The following FRMD6 variants were observed in gnomAD, a reference collection of about 807,000 sequenced individuals.
FRMD6 encodes FERM domain-containing protein 6.
A neutral mutation model predicts 73.2 loss-of-function variants in FRMD6; 37 were observed. That is an observed-to-expected ratio of 0.51 (90% CI 0.39 to 0.66). The LOEUF (loss-of-function observed/expected upper bound fraction) is 0.66, where lower values mean the gene tolerates loss of function less well. Ranked by LOEUF, FRMD6 falls within the 30% of genes least tolerant of loss-of-function variation. The probability of loss-of-function intolerance (pLI) is 0.00; values close to 1 mark genes in which losing one functional copy is unlikely to be tolerated. For synonymous variants in FRMD6, 273 were observed against 282.2 expected (o/e 0.97, Z 0.33); for missense variants, 714 against 780.5 (o/e 0.91, Z 1.02).
the FRMD6 span, among the ~76,000 whole-genome samples, chr14:51,437,376 C>CA: frequency 0.071 from 10,746 of 152,252 alleles, 410 homozygotes; most frequent in East Asian, 0.11. Flanking sequence ...GATCTCGGCT[C>CA]ACTGCAACCT....
intron 1 of FRMD6, among the ~76,000 whole-genome samples, chr14:51,556,237 C>G (rs1477750452): frequency 6.6e-6 from 1 of 152,226 alleles, no homozygotes; most frequent in Non-Finnish European, 1.5e-5. Context: ...TACCCACAGA[C>G]ATCAATGGTA....
the FRMD6 span, among the ~76,000 whole-genome samples, chr14:51,444,197 G>A: frequency 8.5e-5 from 13 of 152,332 alleles, no homozygotes; most frequent in African/African-American, 2.9e-4. Context: ...CCAAAGTGCC[G>A]GGATTACAGG....
chr14:51,458,235 C>CT, the FRMD6 span, among the ~76,000 whole-genome samples: 1 of 152,104 alleles, frequency 6.6e-6, no homozygotes, highest in South Asian at 2.1e-4. Flanking sequence ...TTAACTGTTC[C>CT]TTTTTCTTGC....
chr14:51,705,274 T>C (rs1028621505), intron 6 of FRMD6, among the ~76,000 whole-genome samples: 8 of 152,080 alleles, frequency 5.3e-5, no homozygotes, highest in Admixed American at 4.6e-4. Flanking sequence ...AACATAACTC[T>C]TTAAAAAGTA....
chr14:51,647,791 C>T (rs554970166), upstream of FRMD6, among the ~76,000 whole-genome samples: 4 of 152,304 alleles, frequency 2.6e-5, no homozygotes, highest in South Asian at 6.2e-4. Flanking sequence ...AAAACATACT[C>T]TGAATGCTGG....
the FRMD6 span, among the ~76,000 whole-genome samples, chr14:51,456,464 C>A: frequency 6.6e-6 from 1 of 152,286 alleles, no homozygotes; most frequent in South Asian, 2.1e-4. Context: ...ATCCATGTCC[C>A]TGCAAAGGAC....
At chr14:51,614,878 G>C (rs1890648466) in intron 2 of FRMD6, among the ~76,000 whole-genome samples, 1 of 152,128 alleles carries the variant, frequency 6.6e-6, no homozygotes, top group Admixed American at 6.5e-5. Flanking sequence ...GTGGTTAATT[G>C]CTCACAGGTG....
At chr14:51,487,673 A>G (rs532375437), upstream of FRMD6, among the ~76,000 whole-genome samples, 21 of 152,342 alleles carry the variant, frequency 1.4e-4, no homozygotes, top group Admixed American at 3.3e-4. Flanking sequence ...ACAAATAACT[A>G]TATTCAGAGA....
chr14:51,716,044 G>C (rs1363394616), intron 10 of FRMD6, among the ~76,000 whole-genome samples: 1 of 152,208 alleles, frequency 6.6e-6, no homozygotes, highest in Non-Finnish European at 1.5e-5. Flanking sequence ...AGGGAAGTCA[G>C]CTGGTCCTGT....
chr14:51,436,188 C>T, the FRMD6 span: 22 of 289,626 alleles, frequency 7.6e-5, no homozygotes, highest in Non-Finnish European at 1.1e-4. Context: ...TGATAAAGTA[C>T]GAAATGAAAT....
At chr14:51,569,458 T>C (rs1887975319) in intron 1 of FRMD6, among the ~76,000 whole-genome samples, 1 of 152,036 alleles carries the variant, frequency 6.6e-6, no homozygotes, top group Admixed American at 6.5e-5. Flanking sequence ...ACTCTGACAT[T>C]ATTGTCACTT....
intron 1 of FRMD6, among the ~76,000 whole-genome samples, chr14:51,517,051 T>C (rs1884673997): frequency 6.6e-6 from 1 of 152,226 alleles, no homozygotes; most frequent in East Asian, 1.9e-4. Context: ...TCATTACAAA[T>C]AGATGTTCTG....
rs190377388 is a variant in FRMD6, at chr14:51,629,323, G to T, written c.-147+58913G>T. Among the ~76,000 whole-genome samples, 174 of 152,316 alleles carry T rather than the reference G, an allele frequency of 1.1e-3. 1 individual carries two copies. Among genetic ancestry groups the T allele is most frequent in the African/African-American group, 3.9e-3 (161 of 41,576 alleles). Reference sequence around the variant, plus strand: ...TCCAACTGCTATTATGAATAATGCTGCTATGAACATTCACATACATGTCTT... The same window carrying T: ...TCCAACTGCTATTATGAATAATGCTTCTATGAACATTCACATACATGTCTT... On this transcript the variant is annotated intron_variant, in intron 2 of 14. Transcript: ENST00000356218.
chr14:51,502,682 G>T (rs142437079), intron 1 of FRMD6, among the ~76,000 whole-genome samples: 1 of 152,044 alleles, frequency 6.6e-6, no homozygotes, highest in Non-Finnish European at 1.5e-5. Context: ...GGGTATTCAG[G>T]CTCTTTTTTG....
At chr14:51,561,407 C>T (rs1887472381) in intron 1 of FRMD6, among the ~76,000 whole-genome samples, 1 of 152,198 alleles carries the variant, frequency 6.6e-6, no homozygotes, top group East Asian at 1.9e-4. Flanking sequence ...AAGGGACCTC[C>T]TTTGTACTGC....
chr14:51,474,538 T>C, the FRMD6 span, among the ~76,000 whole-genome samples: 1 of 152,208 alleles, frequency 6.6e-6, no homozygotes, highest in Admixed American at 6.5e-5. Flanking sequence ...GCCTTTGAAC[T>C]AGTGAGATTT....
At chr14:51,599,058 C>CTTTTTTTTTTTTTTTTTTTTTTTTT (rs59151771) in intron 2 of FRMD6, among the ~76,000 whole-genome samples, 5 of 72,824 alleles carry the variant, frequency 6.9e-5, no homozygotes, top group East Asian at 4.8e-4. Flanking sequence ...CAGTATCTGT[C>CTTTTTTTTTTTTTTTTTTTTTTTTT]TTTTTTTTTT....
At chr14:51,701,590 A>G (rs1566578134) in intron 4 of FRMD6, among the ~76,000 whole-genome samples, 2 of 147,412 alleles carry the variant, frequency 1.4e-5, no homozygotes, top group South Asian at 4.2e-4. Flanking sequence ...TAAAGTATAT[A>G]TAGTATATAT....
chr14:51,599,194 A>G (rs1889895481), intron 2 of FRMD6, among the ~76,000 whole-genome samples: 2 of 149,818 alleles, frequency 1.3e-5, no homozygotes, highest in African/African-American at 2.5e-5. Context: ...TTGGCTGCTT[A>G]TATGTCATCT....
Sources: gnomAD v4.1 joint callset for allele counts (sites outside exome capture counted in the v4.1 genomes callset) on GRCh38, gnomAD v4.1.1 for gene constraint, MANE v1.5 for transcripts, NCBI Gene and HGNC (gene_info 2026-07-23, HGNC 2026-07-21) for gene names.